Variants in INPP4B observed in about 807,000 individuals in gnomAD.
The protein encoded by INPP4B is inositol polyphosphate-4-phosphatase type II B, also known as inositol polyphosphate 4-phosphatase type II.
Under a neutral mutation model 122.5 loss-of-function variants are expected in INPP4B, and 55 were observed. The observed-to-expected ratio is 0.45, with a 90% CI of 0.36 to 0.56. The LOEUF (loss-of-function observed/expected upper bound fraction) is 0.56, where lower values mean the gene tolerates loss of function less well. INPP4B is among the 20% of genes least tolerant of loss of function. The pLI, the probability that INPP4B is intolerant of heterozygous loss-of-function variation, is 0.00. For synonymous variants in INPP4B, 403 were observed against 388.7 expected (o/e 1.04, Z -0.43); for missense variants, 1,000 against 1,097.7 (o/e 0.91, Z 1.26).
chr4:142,528,329 G>A (rs566856023), intron 2 of INPP4B, among the ~76,000 whole-genome samples: 5 of 152,042 alleles, frequency 3.3e-5, no homozygotes, highest in East Asian at 1.9e-4. Flanking sequence ...TAATTGGGGC[G>A]AGAGTCATCT....
intron 11 of INPP4B, among the ~76,000 whole-genome samples, chr4:142,246,126 A>G (rs1164894699): frequency 1.4e-5 from 2 of 147,588 alleles, no homozygotes; most frequent in East Asian, 2.0e-4. Flanking sequence ...ATGTGTATGT[A>G]TACACACACA....
intron 12 of INPP4B, among the ~76,000 whole-genome samples, chr4:142,220,340 A>G (rs1033495208): frequency 1.3e-5 from 2 of 152,244 alleles, no homozygotes; most frequent in African/African-American, 4.8e-5. Flanking sequence ...TTGAATATGC[A>G]TTGGACAGAC....
intron 2 of INPP4B, among the ~76,000 whole-genome samples, chr4:142,626,122 A>C (rs1746329701): frequency 6.6e-6 from 1 of 152,160 alleles, no homozygotes; most frequent in Admixed American, 6.5e-5. Context: ...CAGAAGCCAA[A>C]ATTGACAAAT....
intron 2 of INPP4B, among the ~76,000 whole-genome samples, chr4:142,612,492 T>G (rs2150343308): frequency 6.6e-6 from 1 of 152,320 alleles, no homozygotes; most frequent in African/African-American, 2.4e-5. Context: ...TTTCTCACTG[T>G]TATGAAGGCC....
chr4:142,123,416 C>T lies in INPP4B; in HGVS notation c.1894-1G>A. ...TAAAACCACAAACCAATCCAGCAAG[C>T]TGAAAAAAAAATATTGATGAGATTT... On this transcript the variant is annotated splice_acceptor_variant, in intron 19 of 25. Transcript: ENST00000262992. LOFTEE classifies it high-confidence loss of function. 1 of 1,598,418 alleles carries T rather than the reference C, an allele frequency of 6.3e-7. No individual in the cohort carries two copies. The highest frequency in any genetic ancestry group is 8.5e-7 in the Non-Finnish European group (1 of 1,175,346).
chr4:142,291,090 T>G (rs1299321366), intron 9 of INPP4B, among the ~76,000 whole-genome samples: 1 of 152,180 alleles, frequency 6.6e-6, no homozygotes, highest in African/African-American at 2.4e-5. Flanking sequence ...TTCTAAAGAC[T>G]TATTCTTTAA....
chr4:142,299,522 G>GTTT (rs71586276), intron 9 of INPP4B, among the ~76,000 whole-genome samples: 3 of 138,250 alleles, frequency 2.2e-5, no homozygotes, highest in African/African-American at 2.6e-5. Flanking sequence ...GAAGTTTTTA[G>GTTT]TTTTTTTTTT....
chr4:142,302,114 T>A (rs1761680734), intron 9 of INPP4B, among the ~76,000 whole-genome samples: 1 of 151,998 alleles, frequency 6.6e-6, no homozygotes, highest in Non-Finnish European at 1.5e-5. Flanking sequence ...CAGGATAGAG[T>A]CAGGGTTCTG....
intron 1 of INPP4B, among the ~76,000 whole-genome samples, chr4:142,798,548 G>A (rs1363579621): frequency 2.0e-5 from 3 of 151,944 alleles, no homozygotes; most frequent in South Asian, 2.1e-4. Context: ...CCCCAAACAT[G>A]AGGAATAAGG....
At chr4:142,211,763 C>A (rs1351033186) in intron 12 of INPP4B, among the ~76,000 whole-genome samples, 1 of 152,102 alleles carries the variant, frequency 6.6e-6, no homozygotes, top group Non-Finnish European at 1.5e-5. Flanking sequence ...AGTCCTCTGC[C>A]TTTATGATTT....
intron 5 of INPP4B, among the ~76,000 whole-genome samples, chr4:142,420,625 T>C (rs1350605384): frequency 6.6e-6 from 1 of 152,140 alleles, no homozygotes; most frequent in Non-Finnish European, 1.5e-5. Context: ...CTCTTTCCCA[T>C]TCCTGTACTT....
chr4:142,692,836 T>C (rs1000155231), intron 2 of INPP4B, among the ~76,000 whole-genome samples: 1 of 151,902 alleles, frequency 6.6e-6, no homozygotes, highest in Non-Finnish European at 1.5e-5. Flanking sequence ...ATTCTGGTAA[T>C]AAGAGGTTTG....
At chr4:142,528,602 G>C (rs1238750927) in intron 2 of INPP4B, among the ~76,000 whole-genome samples, 1 of 152,004 alleles carries the variant, frequency 6.6e-6, no homozygotes, top group African/African-American at 2.4e-5. Flanking sequence ...TATTCTATTT[G>C]TTAGCAGCAA....
At position 142,270,765 on chromosome 4, in the gene INPP4B, A is replaced by G; in HGVS notation, c.513T>C (p.Asp171=). 1 of 1,612,234 alleles carries G rather than the reference A, an allele frequency of 6.2e-7. No individual in the cohort carries two copies. The highest frequency in any genetic ancestry group is 2.2e-5 in the East Asian group (1 of 44,860). The change falls in exon 10 of 26, where the codon GAT becomes GAC. Residue 171 remains aspartate (D), a synonymous_variant. Coordinates refer to ENST00000262992, the MANE Select transcript of INPP4B (RefSeq NM_001101669.3). The part of the protein sequence containing the change: ...QLLVLSLRTS[D]GGKVVGTIEV... Reference sequence around the variant, plus strand: ...CTATGGTGCCAACCACTTTGCCACCATCTGAAGTTCTGCAACAAAAAATAC... The same window carrying G: ...CTATGGTGCCAACCACTTTGCCACCGTCTGAAGTTCTGCAACAAAAAATAC...
rs567933367 is a variant in INPP4B, at chr4:142,137,038, A to C, written c.1720+8802T>G. ...TCATAGAATTGGAAAAAACTACTTTAAAGTTCATATGGAACCAAAAAAGAG... is the reference window on the plus strand; with the variant it reads ...TCATAGAATTGGAAAAAACTACTTTCAAGTTCATATGGAACCAAAAAAGAG... On this transcript the variant is annotated intron_variant, in intron 18 of 25. Transcript: ENST00000262992. Among the ~76,000 whole-genome samples, 4 of 152,320 alleles carry C rather than the reference A, an allele frequency of 2.6e-5. No individual in the cohort carries two copies. In the East Asian group the frequency reaches 7.7e-4, roughly 29 times the overall value.
At chr4:142,814,965 G>A (rs1779951603) in intron 1 of INPP4B, among the ~76,000 whole-genome samples, 1 of 152,112 alleles carries the variant, frequency 6.6e-6, no homozygotes, top group Admixed American at 6.6e-5. Flanking sequence ...CTGCAGTGGA[G>A]ACTCCTGATA....
At chr4:142,491,342 A>T (rs1341317344) in intron 2 of INPP4B, among the ~76,000 whole-genome samples, 1 of 152,202 alleles carries the variant, frequency 6.6e-6, no homozygotes, top group Non-Finnish European at 1.5e-5. Context: ...AATCTGAACA[A>T]ACATTTTTTA....
At chr4:142,598,937 T>C (rs376900134) in intron 2 of INPP4B, among the ~76,000 whole-genome samples, 1 of 152,192 alleles carries the variant, frequency 6.6e-6, no homozygotes, top group Non-Finnish European at 1.5e-5. Flanking sequence ...CCCTTGCTGG[T>C]TGCATGGCCT....
chr4:142,295,323 G>T (rs997049360), intron 9 of INPP4B, among the ~76,000 whole-genome samples: 1 of 152,104 alleles, frequency 6.6e-6, no homozygotes, highest in East Asian at 1.9e-4. Context: ...GATGCCACAG[G>T]TCTGTCAATG....
Sources: allele counts gnomAD v4.1 joint callset (sites outside exome capture counted in the v4.1 genomes callset), GRCh38; gene constraint gnomAD v4.1.1; transcripts MANE v1.5; gene names NCBI Gene and HGNC (gene_info 2026-07-23, HGNC 2026-07-21).